RGS7: variants seen among roughly 807,000 people sequenced by gnomAD.
The protein encoded by RGS7 is regulator of G-protein signaling 7.
In RGS7, 27 loss-of-function variants were observed where a neutral mutation model predicts 81.1. The observed-to-expected ratio is 0.33, with a 90% CI of 0.25 to 0.46. RGS7 has a LOEUF of 0.46. Among genes scored for constraint, RGS7 ranks in the 20% least tolerant of loss-of-function variants. The pLI is 1.00. For missense variants in RGS7, 396 were observed against 607.4 expected (o/e 0.65, Z 3.66); for synonymous variants, 208 against 207.7 (o/e 1.00, Z -0.01).
chr1:241,063,483 G>A (rs980085187), intron 3 of RGS7, among the ~76,000 whole-genome samples: 21 of 152,200 alleles, frequency 1.4e-4, no homozygotes, highest in African/African-American at 4.8e-4. Context: ...CGCTCAGCAT[G>A]TGAATCCCAA....
intron 2 of RGS7, among the ~76,000 whole-genome samples, chr1:241,282,069 G>C (rs1446576123): frequency 6.6e-6 from 1 of 152,162 alleles, no homozygotes; most frequent in East Asian, 1.9e-4. Context: ...CTGAGGTTTG[G>C]TGTACAAATG....
intron 3 of RGS7, among the ~76,000 whole-genome samples, chr1:241,000,814 A>ATTTTT (rs10691671): frequency 2.3e-5 from 3 of 130,384 alleles, no homozygotes; most frequent in South Asian, 2.5e-4. Flanking sequence ...CACCCAGCTA[A>ATTTTT]TTTTTTTTTT....
intron 18 of RGS7, among the ~76,000 whole-genome samples, chr1:240,779,933 T>C (rs1407470729): frequency 6.6e-6 from 1 of 152,178 alleles, no homozygotes. Flanking sequence ...ATTCTGACTC[T>C]AAAAGGACAG....
chr1:240,876,349 G>A (rs1354365332), intron 6 of RGS7, among the ~76,000 whole-genome samples: 1 of 152,120 alleles, frequency 6.6e-6, no homozygotes, highest in African/African-American at 2.4e-5. Flanking sequence ...ACATCCTATG[G>A]ATTCCAGACT....
rs2059065987 is a variant in RGS7 at position 241,013,319 on chromosome 1, T to A, written c.176-30190A>T. 1.3e-5 allele frequency among the ~76,000 whole-genome samples: 2 copies of A among 152,088 alleles called. 1 individual carries two copies. Among genetic ancestry groups the A allele is most frequent in the South Asian group, 4.1e-4 (2 of 4,828 alleles). The stretch of plus-strand genomic sequence containing the variant: ...CCCAAGTGATCTGCCCACCTTAGCC[T>A]CCCAAAGTGCTGGGATTACAGGCAT... On this transcript the variant is annotated intron_variant, in intron 3 of 18. Coordinates refer to ENST00000440928, the MANE Select transcript of RGS7 (RefSeq NM_001364886.1).
intron 3 of RGS7, among the ~76,000 whole-genome samples, chr1:241,068,402 A>G (rs1444352483): frequency 1.3e-5 from 2 of 151,390 alleles, no homozygotes; most frequent in Non-Finnish European, 2.9e-5. Context: ...ATGATAGCTC[A>G]CAACCATAGC....
chr1:241,248,050 G>A (rs1426333388), intron 2 of RGS7, among the ~76,000 whole-genome samples: 2 of 152,062 alleles, frequency 1.3e-5, no homozygotes, highest in Admixed American at 1.3e-4. Flanking sequence ...TCTTTGTGAA[G>A]GTATATCTTT....
chr1:240,824,577 C>T (rs998213845), intron 10 of RGS7, among the ~76,000 whole-genome samples: 2 of 152,228 alleles, frequency 1.3e-5, no homozygotes, highest in Non-Finnish European at 1.5e-5. Flanking sequence ...CTGTGGACCC[C>T]TCAGAGGGTG....
chr1:241,202,183 T>C (rs917182653), intron 2 of RGS7, among the ~76,000 whole-genome samples: 3 of 152,168 alleles, frequency 2.0e-5, no homozygotes, highest in Non-Finnish European at 4.4e-5. Context: ...AAAAGAGGTA[T>C]TTCTGTACCT....
chr1:241,169,073 T>C (rs2103247429), intron 2 of RGS7, among the ~76,000 whole-genome samples: 1 of 152,284 alleles, frequency 6.6e-6, no homozygotes, highest in East Asian at 1.9e-4. Context: ...TCACAAAAAC[T>C]GTGAAGTAAT....
intron 6 of RGS7, among the ~76,000 whole-genome samples, chr1:240,870,527 T>C (rs1199437178): frequency 6.6e-6 from 1 of 152,084 alleles, no homozygotes; most frequent in Non-Finnish European, 1.5e-5. Context: ...ATTATTATTA[T>C]TTGTAGAGCA....
chr1:241,084,015 A>T (rs1006599564), intron 3 of RGS7, among the ~76,000 whole-genome samples: 1 of 152,224 alleles, frequency 6.6e-6, no homozygotes, highest in African/African-American at 2.4e-5. Flanking sequence ...AACTGACTCC[A>T]AATATAATAA....
At position 241,074,609 on chromosome 1, in the gene RGS7, G is replaced by A. The variant is rs547606926; in HGVS notation, c.175+24057C>T. Among the ~76,000 whole-genome samples the A allele has an allele frequency of 3.3e-5, 5 of 152,296 alleles. No homozygotes were observed. In the South Asian group the frequency reaches 8.3e-4, roughly 25 times the overall value. ...TACACCTAACAGCTTAGCAATCAGT[G>A]CAGAAATATTCTCTTTCCCCAACAG... On this transcript the variant is annotated intron_variant, in intron 3 of 18. Transcript: ENST00000440928.
intron 18 of RGS7, among the ~76,000 whole-genome samples, chr1:240,791,108 G>A (rs1685917968): frequency 6.6e-6 from 1 of 152,126 alleles, no homozygotes; most frequent in South Asian, 2.1e-4. Flanking sequence ...AAAAACTGAT[G>A]ATGAACTTTT....
At chr1:241,284,500 A>T (rs1201122486) in intron 2 of RGS7, among the ~76,000 whole-genome samples, 3 of 152,238 alleles carry the variant, frequency 2.0e-5, no homozygotes, top group South Asian at 4.1e-4. Context: ...ACTAAGTAAC[A>T]CCCCAGGAAC....
chr1:241,197,786 T>C (rs1021871955), intron 2 of RGS7, among the ~76,000 whole-genome samples: 1 of 148,728 alleles, frequency 6.7e-6, no homozygotes, highest in African/African-American at 2.5e-5. Flanking sequence ...ACTTATTAAC[T>C]GATGGACCAG....
chr1:241,082,540 T>C (rs1296065110), intron 3 of RGS7, among the ~76,000 whole-genome samples: 2 of 152,202 alleles, frequency 1.3e-5, no homozygotes, highest in Non-Finnish European at 2.9e-5. Context: ...ATCATTTCTC[T>C]AATTACTGTG....
chr1:241,320,648 T>C (rs1043552087), intron 2 of RGS7, among the ~76,000 whole-genome samples: 17 of 152,208 alleles, frequency 1.1e-4, no homozygotes, highest in Non-Finnish European at 2.2e-4. Flanking sequence ...CATTAACTGA[T>C]GGCATTGTAA....
At chr1:241,106,716 CAAAAAAAAAAAAA>C (rs757488665) in intron 2 of RGS7, among the ~76,000 whole-genome samples, 3 of 34,048 alleles carry the variant, frequency 8.8e-5, no homozygotes, top group Non-Finnish European at 2.1e-4. Context: ...ACTCCGTCTC[CAAAAAAAAAAAAA>C]AAAAAAAAAA....
Sources: gnomAD v4.1 joint callset for allele counts (sites outside exome capture counted in the v4.1 genomes callset) on GRCh38, gnomAD v4.1.1 for gene constraint, MANE v1.5 for transcripts, NCBI Gene and HGNC (gene_info 2026-07-23, HGNC 2026-07-21) for gene names.